The following ALOX5AP variants were observed in gnomAD, a reference collection of about 807,000 sequenced individuals.
ALOX5AP encodes the protein arachidonate 5-lipoxygenase-activating protein.
Under a neutral mutation model 18.5 loss-of-function variants are expected in ALOX5AP, and 9 were observed. That is an observed-to-expected ratio of 0.49 (90% CI 0.29 to 0.85). The LOEUF is 0.85. Among genes scored for constraint, ALOX5AP ranks in the 40% least tolerant of loss-of-function variants. The probability of loss-of-function intolerance (pLI) is 0.08; values close to 1 mark genes in which losing one functional copy is unlikely to be tolerated. For missense variants in ALOX5AP, 172 were observed against 202.5 expected, an observed-to-expected ratio of 0.85 and a Z score of 0.91; for synonymous variants, 81 against 78.6, an observed-to-expected ratio of 1.03 and a Z score of -0.16.
chr13:30,725,200 G>T (rs904316944), intron 1 of ALOX5AP, among the ~76,000 whole-genome samples: 1 of 152,226 alleles, frequency 6.6e-6, no homozygotes, highest in African/African-American at 2.4e-5. Context: ...TAGTCTGATG[G>T]TCAGGGACTT....
At chr13:30,737,544 C>T (rs1951730958) in intron 1 of ALOX5AP, among the ~76,000 whole-genome samples, 1 of 152,226 alleles carries the variant, frequency 6.6e-6, no homozygotes, top group African/African-American at 2.4e-5. Flanking sequence ...AGACTTTTTA[C>T]AGACCACAGG....
intron 4 of ALOX5AP, among the ~76,000 whole-genome samples, chr13:30,758,963 G>A (rs1320806188): frequency 6.6e-6 from 1 of 152,060 alleles, no homozygotes; most frequent in Non-Finnish European, 1.5e-5. Flanking sequence ...GACTACAGGT[G>A]TGCACTACCA....
chr13:30,713,539 G>A, exon 1 of ALOX5AP: 2 of 568,370 alleles, frequency 3.5e-6, no homozygotes, highest in Non-Finnish European at 6.3e-6. Flanking sequence ...GGGGTTGAAA[G>A]GGCCCGGACT....
At chr13:30,728,736 T>G (rs1179643896) in intron 1 of ALOX5AP, among the ~76,000 whole-genome samples, 1 of 152,198 alleles carries the variant, frequency 6.6e-6, no homozygotes, top group East Asian at 1.9e-4. Context: ...TAGTCCCAGC[T>G]ACTCAGGAGG....
upstream of ALOX5AP, among the ~76,000 whole-genome samples, chr13:30,732,064 G>A (rs1951686011): frequency 6.6e-6 from 1 of 152,208 alleles, no homozygotes; most frequent in South Asian, 2.1e-4. Flanking sequence ...TGGCCGTCTC[G>A]GCTATTAACA....
exon 1 of ALOX5AP, chr13:30,713,675 G>C: frequency 3.8e-6 from 5 of 1,299,092 alleles, no homozygotes; most frequent in Middle Eastern, 1.8e-4. Context: ...CAAGAACTCT[G>C]TAGAACTGAC....
chr13:30,727,197 G>A (rs1170311104), intron 1 of ALOX5AP, among the ~76,000 whole-genome samples: 1 of 151,736 alleles, frequency 6.6e-6, no homozygotes, highest in African/African-American at 2.4e-5. Flanking sequence ...GGGATTATAG[G>A]TGCGCCAGGT....
At chr13:30,762,995 G>C (rs1951955094) in intron 4 of ALOX5AP, among the ~76,000 whole-genome samples, 1 of 152,186 alleles carries the variant, frequency 6.6e-6, no homozygotes, top group Non-Finnish European at 1.5e-5. Flanking sequence ...GTGCCTTGGA[G>C]AGAAGGATAG....
At chr13:30,752,261 G>A (rs550841128) in intron 3 of ALOX5AP, 139 bp downstream of exon 3, 30 of 791,234 alleles carry the variant, frequency 3.8e-5, no homozygotes, top group East Asian at 1.3e-4. Context: ...GAGAGCCCTC[G>A]GGAGGCCGTG....
intron 4 of ALOX5AP, 132 bp from the exon 5 acceptor site, chr13:30,763,811 GA>G: frequency 1.2e-6 from 1 of 833,054 alleles, no homozygotes; most frequent in Non-Finnish European, 1.9e-6. Flanking sequence ...AAGTAAATGG[GA>G]AAATGGAGCA....
At chr13:30,723,841 C>G (rs1446419440) in intron 1 of ALOX5AP, among the ~76,000 whole-genome samples, 1 of 152,182 alleles carries the variant, frequency 6.6e-6, no homozygotes, top group Admixed American at 6.5e-5. Context: ...CTCAAGCGAT[C>G]CTCCAAACTC....
rs571033274 is a variant in ALOX5AP, at chr13:30,716,408, G to A, written c.116+2567G>A. ...TCTTCTTACTCAACATGTGCTCCAA[G>A]GAGCTGTTGTATCAGCTTATCAGAA... On this transcript the variant is annotated intron_variant, in intron 1 of 5. Transcript: ENST00000617770. Among the ~76,000 whole-genome samples, 9 of 152,356 alleles carry A rather than the reference G, an allele frequency of 5.9e-5. No individual in the cohort carries two copies. The South Asian group carries it at 8.3e-4, about 14-fold the overall frequency.
upstream of ALOX5AP, among the ~76,000 whole-genome samples, chr13:30,732,898 G>A (rs1951692623): frequency 6.6e-6 from 1 of 152,122 alleles, no homozygotes; most frequent in South Asian, 2.1e-4. Flanking sequence ...GCTCACGCCT[G>A]TAATCTCAGC....
Position 30,735,685 on chromosome 13 carries a change from G to A in ALOX5AP, c.70+10G>A, listed in dbSNP as rs200167676. Reference sequence around the variant, plus strand: ...AGCGTGGTCCAGAATGGTAAGGAAAGCCCTTCACTCAGGGAAGAACAGAAG... The same window carrying A: ...AGCGTGGTCCAGAATGGTAAGGAAAACCCTTCACTCAGGGAAGAACAGAAG... On this transcript the variant is annotated intron_variant, in intron 1 of 4. Transcript: ENST00000380490. The A allele has an allele frequency of 6.2e-7, 1 of 1,613,906 alleles. No homozygotes were observed. Among genetic ancestry groups the A allele is most frequent in the African/African-American group, 1.3e-5 (1 of 74,916 alleles).
intron 1 of ALOX5AP, among the ~76,000 whole-genome samples, chr13:30,729,824 C>T (rs1951667264): frequency 6.6e-6 from 1 of 152,198 alleles, no homozygotes; most frequent in Non-Finnish European, 1.5e-5. Flanking sequence ...GATCTGCCTG[C>T]CTCGGCCTCC....
At chr13:30,720,027 A>C (rs1951581494) in intron 1 of ALOX5AP, among the ~76,000 whole-genome samples, 1 of 152,044 alleles carries the variant, frequency 6.6e-6, no homozygotes, top group African/African-American at 2.4e-5. Context: ...ACGCCCAGAT[A>C]ATTTTCGTAT....
intron 1 of ALOX5AP, among the ~76,000 whole-genome samples, chr13:30,721,935 T>C (rs1432234246): frequency 6.6e-6 from 1 of 152,214 alleles, no homozygotes; most frequent in African/African-American, 2.4e-5. Context: ...ACACTTCCTC[T>C]GGTAAGATTT....
At position 30,742,721 on chromosome 13, in the gene ALOX5AP, T is replaced by G. The variant is rs182503037; in HGVS notation, c.71-1339T>G. Among the ~76,000 whole-genome samples, 11 of 152,268 alleles carry G rather than the reference T, an allele frequency of 7.2e-5. No individual in the cohort carries two copies. In the East Asian group the frequency reaches 1.9e-3, roughly 27 times the overall value. ...ATAAAGCACCCCTTTAATGTCTTTT[T>G]GAGGAGGATAATATGAAATTGATGA... On this transcript the variant is annotated intron_variant, in intron 1 of 4. Coordinates refer to ENST00000380490, the MANE Select transcript of ALOX5AP (RefSeq NM_001629.4).
upstream of ALOX5AP, among the ~76,000 whole-genome samples, chr13:30,732,343 C>T (rs972747178): frequency 1.3e-5 from 2 of 152,112 alleles, no homozygotes; most frequent in African/African-American, 4.8e-5. Context: ...CGTTGGTCCC[C>T]GTGGGTGCTG....
Sources: allele counts gnomAD v4.1 joint callset (sites outside exome capture counted in the v4.1 genomes callset), GRCh38; gene constraint gnomAD v4.1.1; transcripts MANE v1.5; gene names NCBI Gene and HGNC (gene_info 2026-07-23, HGNC 2026-07-21).